PTPRD: variants seen among roughly 807,000 people sequenced by gnomAD.
The protein encoded by PTPRD is receptor-type tyrosine-protein phosphatase delta.
Under a neutral mutation model 214.5 loss-of-function variants are expected in PTPRD, and 34 were observed. That is an observed-to-expected ratio of 0.16 (90% CI 0.12 to 0.21). PTPRD has a LOEUF of 0.21. Ranked by LOEUF, PTPRD falls within the 10% of genes least tolerant of loss-of-function variation. The pLI is 1.00. For missense variants in PTPRD, 2,545 were observed against 2,398.7 expected, an observed-to-expected ratio of 1.06 and a Z score of -1.27; for synonymous variants, 1,128 against 845.7, an observed-to-expected ratio of 1.33 and a Z score of -5.79.
chr9:10,572,147 T>A (rs2067657246), intron 2 of PTPRD, among the ~76,000 whole-genome samples: 2 of 152,192 alleles, frequency 1.3e-5, no homozygotes, highest in Admixed American at 1.3e-4. Context: ...TCAATATGTA[T>A]GACTAAGAAC....
At chr9:10,456,714 T>C (rs905254481) in intron 2 of PTPRD, among the ~76,000 whole-genome samples, 17 of 148,310 alleles carry the variant, frequency 1.1e-4, no homozygotes, top group Non-Finnish European at 2.4e-4. Context: ...TTACTAACCA[T>C]CTCTTACAGG....
intron 9 of PTPRD, among the ~76,000 whole-genome samples, chr9:9,201,852 T>C (rs917368160): frequency 6.6e-6 from 1 of 152,206 alleles, no homozygotes; most frequent in African/African-American, 2.4e-5. Context: ...ATGTTTACCA[T>C]GCAGAAAGCC....
chr9:8,959,616 C>A (rs2099148702), intron 11 of PTPRD, among the ~76,000 whole-genome samples: 1 of 151,884 alleles, frequency 6.6e-6, no homozygotes. Flanking sequence ...TGATTTTAAC[C>A]ATTTGCATTT....
chr9:9,113,270 C>T (rs2099808694), intron 10 of PTPRD, among the ~76,000 whole-genome samples: 1 of 152,200 alleles, frequency 6.6e-6, no homozygotes, highest in South Asian at 2.1e-4. Flanking sequence ...CCACCATGCC[C>T]AGCCATACTT....
chr9:10,369,470 T>A (rs1337788561), intron 2 of PTPRD, among the ~76,000 whole-genome samples: 3 of 151,968 alleles, frequency 2.0e-5, no homozygotes, highest in Admixed American at 2.0e-4. Flanking sequence ...AGTGTATCCA[T>A]ACGAACAGCC....
chr9:8,545,335 T>C (rs572174983), intron 14 of PTPRD, among the ~76,000 whole-genome samples: 3 of 152,326 alleles, frequency 2.0e-5, no homozygotes, highest in Non-Finnish European at 2.9e-5. Flanking sequence ...AAATGGAACC[T>C]GTAACAGAGT....
chr9:8,999,260 T>C (rs1253471173), intron 11 of PTPRD, among the ~76,000 whole-genome samples: 2 of 152,008 alleles, frequency 1.3e-5, no homozygotes, highest in Non-Finnish European at 2.9e-5. Context: ...AGTAAATTGA[T>C]GTGCAATTGA....
At chr9:9,787,565 G>C (rs1410822843) in intron 5 of PTPRD, among the ~76,000 whole-genome samples, 1 of 151,526 alleles carries the variant, frequency 6.6e-6, no homozygotes, top group Admixed American at 6.6e-5. Context: ...GGTAAAATAA[G>C]ATTTCAGAAA....
chr9:9,152,418 C>G (rs1441887039), intron 10 of PTPRD, among the ~76,000 whole-genome samples: 1 of 152,234 alleles, frequency 6.6e-6, no homozygotes. Context: ...AACACTTTCA[C>G]TCCTTGATTT....
rs1391259121 is a variant in PTPRD at position 8,343,952 on chromosome 9, A to C, written c.4662-1974T>G. On this transcript the variant is annotated intron_variant, in intron 39 of 45. Transcript: ENST00000381196. ...TTTGGAATTATGTAAGGAGTACCCGAGGACTCCTCTGCATAGTGTTTGATC... is the reference window on the plus strand; with the variant it reads ...TTTGGAATTATGTAAGGAGTACCCGCGGACTCCTCTGCATAGTGTTTGATC... Among the ~76,000 whole-genome samples, 5 of 152,188 alleles carry C rather than the reference A, an allele frequency of 3.3e-5. No individual in the cohort carries two copies. In the East Asian group the frequency reaches 9.7e-4, roughly 29 times the overall value.
intron 2 of PTPRD, among the ~76,000 whole-genome samples, chr9:10,610,000 T>C (rs2080528559): frequency 6.6e-6 from 1 of 152,170 alleles, no homozygotes; most frequent in Non-Finnish European, 1.5e-5. Flanking sequence ...GAGGAATTAA[T>C]CATTCATTCC....
At chr9:10,460,612 C>A (rs1394592214) in intron 2 of PTPRD, among the ~76,000 whole-genome samples, 1 of 152,008 alleles carries the variant, frequency 6.6e-6, no homozygotes, top group Non-Finnish European at 1.5e-5. Flanking sequence ...ACCAAAAATA[C>A]ACATGAGGAA....
intron 39 of PTPRD, among the ~76,000 whole-genome samples, chr9:8,351,104 C>T (rs1440015702): frequency 6.6e-6 from 1 of 152,082 alleles, no homozygotes; most frequent in Non-Finnish European, 1.5e-5. Flanking sequence ...TATGGTATAT[C>T]AATACCATGG....
intron 11 of PTPRD, among the ~76,000 whole-genome samples, chr9:8,942,262 C>CT (rs2099038761): frequency 6.6e-6 from 1 of 152,196 alleles, no homozygotes; most frequent in African/African-American, 2.4e-5. Context: ...TAACAATATA[C>CT]TTTTTTCTGG....
At chr9:9,500,198 C>T (rs771135427) in intron 8 of PTPRD, among the ~76,000 whole-genome samples, 1 of 152,044 alleles carries the variant, frequency 6.6e-6, no homozygotes, top group Admixed American at 6.6e-5. Flanking sequence ...TTAAATTCAA[C>T]CATCTAAAGT....
At chr9:8,623,244 TA>T (rs2095877294) in intron 14 of PTPRD, among the ~76,000 whole-genome samples, 2 of 151,950 alleles carry the variant, frequency 1.3e-5, no homozygotes, top group African/African-American at 4.8e-5. Context: ...GCCATGCCCT[TA>T]TGGAACTTCT....
At chr9:9,615,015 T>C (rs922808605) in intron 7 of PTPRD, among the ~76,000 whole-genome samples, 1 of 152,138 alleles carries the variant, frequency 6.6e-6, no homozygotes, top group Non-Finnish European at 1.5e-5. Context: ...AGGAAGGGGC[T>C]TCCTGCAATT....
chr9:9,431,358 C>A (rs930151646), intron 8 of PTPRD, among the ~76,000 whole-genome samples: 2 of 152,104 alleles, frequency 1.3e-5, no homozygotes, highest in Admixed American at 1.3e-4. Flanking sequence ...AATGAGATAC[C>A]ATCTCACACC....
intron 3 of PTPRD, among the ~76,000 whole-genome samples, chr9:10,064,882 G>A (rs911603972): frequency 5.9e-5 from 9 of 151,912 alleles, no homozygotes; most frequent in Non-Finnish European, 1.2e-4. Flanking sequence ...CTATTTTATG[G>A]CCTTGGCCAG....
Sources: gnomAD v4.1 joint callset for allele counts (sites outside exome capture counted in the v4.1 genomes callset) on GRCh38, gnomAD v4.1.1 for gene constraint, MANE v1.5 for transcripts, NCBI Gene and HGNC (gene_info 2026-07-23, HGNC 2026-07-21) for gene names.